The following LIPA variants were observed in gnomAD, a reference collection of about 807,000 sequenced individuals.
LIPA encodes lipase A, lysosomal acid type.
LIPA carries 26 observed loss-of-function variants against 40.6 expected under a neutral mutation model. The ratio of observed to expected loss-of-function variants is 0.64; its 90% CI spans 0.47 to 0.89. The LOEUF is 0.89. Ranked by LOEUF, LIPA falls within the 40% of genes least tolerant of loss-of-function variation. LIPA has a pLI of 0.00. For synonymous variants in LIPA, 188 were observed against 168.4 expected, an observed-to-expected ratio of 1.12 and a Z score of -0.90; for missense variants, 455 against 479.6, an observed-to-expected ratio of 0.95 and a Z score of 0.48.
chr10:89,257,218 T>G (rs1843185885), intron 1 of LIPA, among the ~76,000 whole-genome samples: 1 of 152,236 alleles, frequency 6.6e-6, no homozygotes, highest in South Asian at 2.1e-4. Flanking sequence ...AGTTCTGAAT[T>G]TCAGGCATAT....
chr10:89,327,978 C>A, intron 1 of LIPA: 1 of 1,300,466 alleles, frequency 7.7e-7, no homozygotes, highest in South Asian at 1.2e-5. Context: ...TTATATAGTT[C>A]CTTCAGTATT....
chr10:89,369,173 T>C lies in LIPA; in HGVS notation c.61+43618A>G, dbSNP rs531337042. Among the ~76,000 whole-genome samples, 8 of 152,348 alleles carry C rather than the reference T, an allele frequency of 5.3e-5. No homozygotes were observed. The East Asian group carries it at 1.5e-3, about 29-fold the overall frequency. ...ACAACAGAAGCATTCTACTTGTACA[T>C]TCTTCTTGTACATACAAAAGAAGCA... On this transcript the variant is annotated intron_variant, in intron 2 of 8. Transcript: ENST00000371837.
intron 2 of LIPA, among the ~76,000 whole-genome samples, chr10:89,410,766 T>C (rs1300359726): frequency 6.6e-6 from 1 of 152,218 alleles, no homozygotes; most frequent in Non-Finnish European, 1.5e-5. Flanking sequence ...CACGGAGTTA[T>C]TGCACGCGGT....
intron 1 of LIPA, among the ~76,000 whole-genome samples, chr10:89,319,121 A>G (rs1024879407): frequency 5.9e-5 from 9 of 152,270 alleles, no homozygotes; most frequent in African/African-American, 2.2e-4. Flanking sequence ...GGAAAGATCT[A>G]AAATTGACAC....
chr10:89,350,656 A>G (rs1195413812), intron 2 of LIPA, among the ~76,000 whole-genome samples: 1 of 151,934 alleles, frequency 6.6e-6, no homozygotes, highest in East Asian at 1.9e-4. Context: ...AGATCTGTGC[A>G]GGGGGAAGGA....
chr10:89,328,212 T>C (rs1021314916), intron 1 of LIPA: 4 of 935,516 alleles, frequency 4.3e-6, no homozygotes, highest in Non-Finnish European at 6.7e-6. Context: ...GTCTGAGCAT[T>C]TGTAAGATGT....
intron 6 of LIPA, among the ~76,000 whole-genome samples, chr10:89,224,701 G>A (rs777367568): frequency 9.2e-5 from 14 of 152,202 alleles, no homozygotes; most frequent in Non-Finnish European, 1.9e-4. Flanking sequence ...GTCACCCTCA[G>A]TGTAGCTAGG....
At chr10:89,340,374 C>A (rs1843846108) in intron 1 of LIPA, 1 of 304,928 alleles carries the variant, frequency 3.3e-6, no homozygotes, top group Non-Finnish European at 6.1e-6. Context: ...CTGGCTAACA[C>A]AGTGAAATCC....
intron 1 of LIPA, chr10:89,305,829 G>C (rs1412049986): frequency 3.0e-6 from 2 of 669,080 alleles, no homozygotes; most frequent in African/African-American, 3.6e-5. Flanking sequence ...ACATATTATA[G>C]AAAGAAAAGA....
chr10:89,234,349 G>A (rs1308676002), intron 3 of LIPA, among the ~76,000 whole-genome samples: 2 of 152,194 alleles, frequency 1.3e-5, no homozygotes, highest in African/African-American at 2.4e-5. Flanking sequence ...CATCTTTCCA[G>A]GCTGGGCCAG....
At chr10:89,235,834 T>C (rs1342883867) in intron 3 of LIPA, among the ~76,000 whole-genome samples, 2 of 152,254 alleles carry the variant, frequency 1.3e-5, no homozygotes, top group East Asian at 1.9e-4. Context: ...TAGGTGTCCT[T>C]TTCTAAAGTG....
chr10:89,219,753 C>G (rs534132886), intron 8 of LIPA, among the ~76,000 whole-genome samples: 1 of 152,262 alleles, frequency 6.6e-6, no homozygotes, highest in East Asian at 1.9e-4. Flanking sequence ...GGCCAACAGC[C>G]CAGAGGAGGG....
At chr10:89,338,810 C>A in intron 1 of LIPA, 1 of 1,614,148 alleles carries the variant, frequency 6.2e-7, no homozygotes, top group East Asian at 2.2e-5. Flanking sequence ...TTCAAAGCTA[C>A]AATGTACAAC....
chr10:89,307,401 G>A, intron 1 of LIPA: 1 of 1,538,140 alleles, frequency 6.5e-7, no homozygotes, highest in Non-Finnish European at 8.8e-7. Context: ...TGCCCACTAG[G>A]CTACTGCTGA....
intron 1 of LIPA, among the ~76,000 whole-genome samples, chr10:89,315,078 C>T (rs1843534853): frequency 6.6e-6 from 1 of 152,122 alleles, no homozygotes; most frequent in Admixed American, 6.6e-5. Flanking sequence ...GTTTCAAGTC[C>T]AATTCTACCA....
intron 4 of LIPA, among the ~76,000 whole-genome samples, chr10:89,227,637 A>G (rs369716780): frequency 0.012 from 1,805 of 152,330 alleles, 30 homozygotes; most frequent in African/African-American, 0.039. Flanking sequence ...CACTGGCAGG[A>G]GAAGAGCCAA....
chr10:89,306,175 C>T (rs1015650859), intron 1 of LIPA: 1 of 1,614,018 alleles, frequency 6.2e-7, no homozygotes, highest in Non-Finnish European at 8.5e-7. Context: ...CCCTGGAATG[C>T]TTACGTAAAG....
intron 1 of LIPA, among the ~76,000 whole-genome samples, chr10:89,298,624 TATG>T (rs1843428646): frequency 6.6e-6 from 1 of 152,052 alleles, no homozygotes; most frequent in South Asian, 2.1e-4. Context: ...AGCAAGGAAA[TATG>T]ATACCTTCAA....
intron 2 of LIPA, among the ~76,000 whole-genome samples, chr10:89,355,948 C>T (rs1843986434): frequency 1.3e-5 from 2 of 152,194 alleles, no homozygotes; most frequent in Non-Finnish European, 2.9e-5. Flanking sequence ...ATGAATAATC[C>T]ATCCCCTGTG....
Sources: allele counts gnomAD v4.1 joint callset (sites outside exome capture counted in the v4.1 genomes callset), GRCh38; gene constraint gnomAD v4.1.1; transcripts MANE v1.5; gene names NCBI Gene and HGNC (gene_info 2026-07-23, HGNC 2026-07-21).